The following RHCE variants were observed in gnomAD, a reference collection of about 807,000 sequenced individuals.
RHCE encodes blood group Rh(CE) polypeptide.
A neutral mutation model predicts 43.8 loss-of-function variants in RHCE; 22 were observed. The observed-to-expected ratio is 0.50, with a 90% CI of 0.36 to 0.72. The LOEUF (loss-of-function observed/expected upper bound fraction) is 0.72. RHCE is among the 30% of genes least tolerant of loss of function. RHCE has a pLI of 0.00. For missense variants in RHCE, 385 were observed against 525.4 expected (o/e 0.73, Z 2.61); for synonymous variants, 156 against 210.7 (o/e 0.74, Z 2.25).
intron 8 of RHCE, among the ~76,000 whole-genome samples, chr1:25,374,303 G>A (rs1390298852): frequency 1.3e-5 from 2 of 151,940 alleles, no homozygotes; most frequent in African/African-American, 2.4e-5. Context: ...TGGCCAGGCT[G>A]GTCTTGAATC....
At chr1:25,379,491 A>T (rs1428552659) in intron 7 of RHCE, among the ~76,000 whole-genome samples, 8 of 18,288 alleles carry the variant, frequency 4.4e-4, no homozygotes, top group African/African-American at 3.1e-3. Flanking sequence ...ATATATATAT[A>T]TATATTTTTT....
intron 1 of RHCE, among the ~76,000 whole-genome samples, chr1:25,417,351 C>CGT (rs1352230731): frequency 2.6e-5 from 4 of 152,094 alleles, no homozygotes; most frequent in Non-Finnish European, 5.9e-5. Context: ...CTAAGTTTAA[C>CGT]TCAACAAACT....
chr1:25,426,917 C>T (rs1269645584), intron 2 of RHCE, among the ~76,000 whole-genome samples: 1 of 152,100 alleles, frequency 6.6e-6, no homozygotes, highest in Non-Finnish European at 1.5e-5. Context: ...ATTATCCAGG[C>T]GTGGTGGCGT....
intron 7 of RHCE, among the ~76,000 whole-genome samples, chr1:25,381,966 A>G (rs1389136750): frequency 6.6e-6 from 1 of 151,110 alleles, no homozygotes; most frequent in East Asian, 1.9e-4. Context: ...AAGAAAATAA[A>G]TTGATTTAGC....
chr1:25,386,890 G>T (rs1571862445), intron 6 of RHCE, among the ~76,000 whole-genome samples: 1 of 150,072 alleles, frequency 6.7e-6, no homozygotes, highest in South Asian at 2.1e-4. Flanking sequence ...AATTAGCCAG[G>T]CATGGTGGTG....
intron 3 of RHCE, among the ~76,000 whole-genome samples, chr1:25,393,972 T>C (rs1338235688): frequency 6.6e-6 from 1 of 152,116 alleles, no homozygotes; most frequent in East Asian, 1.9e-4. Context: ...AAAGTCTGTC[T>C]GCTTTTTATT....
chr1:25,379,971 C>T (rs1287613900), intron 7 of RHCE, among the ~76,000 whole-genome samples: 1 of 151,946 alleles, frequency 6.6e-6, no homozygotes, highest in Non-Finnish European at 1.5e-5. Context: ...AAACACCACA[C>T]TTAGACAACC....
At chr1:25,396,124 C>A (rs1366365225) in intron 3 of RHCE, among the ~76,000 whole-genome samples, 1 of 151,524 alleles carries the variant, frequency 6.6e-6, no homozygotes, top group Non-Finnish European at 1.5e-5. Flanking sequence ...AAAATGCATA[C>A]CCACAATCTA....
chr1:25,409,439 G>T lies in RHCE; in HGVS notation c.149-570C>A, dbSNP rs1295391970. Among the ~76,000 whole-genome samples, 7 of 124,426 alleles carry T rather than the reference G, an allele frequency of 5.6e-5. 3 individuals carry two copies. The South Asian group carries it at 2.0e-3, about 35-fold the overall frequency. The allele number at this position is 124,426 out of a possible 152,430, so 81.6% of individuals were successfully genotyped here. A position where few individuals can be genotyped will look rare whatever the true frequency, so the allele number is the denominator to read the frequency against. The stretch of plus-strand genomic sequence containing the variant: ...CTGCGAGGGACCTGGTGAGCTGGCT[G>T]GCAGAAAACATCAGGGCCACCTGGG... On this transcript the variant is annotated intron_variant, in intron 1 of 9. Coordinates refer to ENST00000294413, the MANE Select transcript of RHCE (RefSeq NM_020485.8).
At chr1:25,381,046 C>A (rs1294885341) in intron 7 of RHCE, among the ~76,000 whole-genome samples, 1 of 151,884 alleles carries the variant, frequency 6.6e-6, no homozygotes, top group South Asian at 2.1e-4. Flanking sequence ...GGACTACAGG[C>A]GCCCACCACC....
chr1:25,416,512 C>T (rs1399564251), intron 1 of RHCE, among the ~76,000 whole-genome samples: 4 of 152,200 alleles, frequency 2.6e-5, no homozygotes, highest in East Asian at 1.9e-4. Flanking sequence ...ATCTGCCTGC[C>T]TTGGCCTCCC....
rs570961126 is a variant in RHCE, at chr1:25,401,256, T to C, written c.486+1340A>G. Reference sequence around the variant, plus strand: ...TCAAAACCCTATGTGGTAGTACTGCTACCCTCATATTACAGACGAAGAAAC... The same window carrying C: ...TCAAAACCCTATGTGGTAGTACTGCCACCCTCATATTACAGACGAAGAAAC... On this transcript the variant is annotated intron_variant, in intron 3 of 9. Transcript: ENST00000294413. Among the ~76,000 whole-genome samples the C allele has an allele frequency of 2.3e-4, 35 of 152,332 alleles. 1 individual carries two copies. Among genetic ancestry groups the C allele is most frequent in the African/African-American group, 6.7e-4 (28 of 41,572 alleles).
intron 3 of RHCE, among the ~76,000 whole-genome samples, chr1:25,397,564 C>T (rs113809894): frequency 3.8e-4 from 57 of 150,910 alleles, no homozygotes; most frequent in East Asian, 1.8e-3. Flanking sequence ...CCCAAACATC[C>T]CCAGCTCCCT....
intron 2 of RHCE, among the ~76,000 whole-genome samples, chr1:25,428,313 T>C (rs942175611): frequency 2.6e-5 from 4 of 152,234 alleles, no homozygotes; most frequent in Non-Finnish European, 4.4e-5. Context: ...GACTTTACCA[T>C]GTACCTGTTC....
At chr1:25,394,729 A>T (rs1646489218) in intron 3 of RHCE, among the ~76,000 whole-genome samples, 1 of 152,232 alleles carries the variant, frequency 6.6e-6, no homozygotes, top group Non-Finnish European at 1.5e-5. Flanking sequence ...TCAGTCATAC[A>T]TAAAGAGGAA....
intron 7 of RHCE, among the ~76,000 whole-genome samples, chr1:25,379,291 C>A (rs1430624601): frequency 4.0e-5 from 6 of 151,204 alleles, no homozygotes; most frequent in African/African-American, 1.5e-4. Flanking sequence ...ATCCTAGTTA[C>A]CTCCCAAAGG....
chr1:25,367,601 G>A (rs1362041474), intron 9 of RHCE, among the ~76,000 whole-genome samples: 4 of 133,736 alleles, frequency 3.0e-5, no homozygotes, highest in African/African-American at 7.8e-5. Flanking sequence ...GCAACAACAC[G>A]GATGATTCTC....
At chr1:25,402,790 G>C in intron 2 of RHCE, 44 bp from the exon 3 acceptor site, 2 of 1,606,752 alleles carry the variant, frequency 1.2e-6, no homozygotes, top group Middle Eastern at 1.7e-4. Flanking sequence ...AAGGAAGGAT[G>C]CCTCTCACTC....
Position 25,406,926 on chromosome 1 carries a change from C to G in RHCE, c.335+1757G>C, listed in dbSNP as rs544967337. On this transcript the variant is annotated intron_variant, in intron 2 of 9. Transcript: ENST00000294413. Reference sequence around the variant, plus strand: ...AGGCATGAGCCACCGCGCCCGGCCCCTAAAACTGTTTTTTGAGACAGGGTC... The same window carrying G: ...AGGCATGAGCCACCGCGCCCGGCCCGTAAAACTGTTTTTTGAGACAGGGTC... Among the ~76,000 whole-genome samples, 50 of 121,010 alleles carry G rather than the reference C, an allele frequency of 4.1e-4. 7 individuals carry two copies. Among genetic ancestry groups the G allele is most frequent in the African/African-American group, 1.3e-3 (50 of 39,452 alleles). 79.4% of individuals were successfully genotyped at this position (121,010 alleles called of 152,430 possible). A position where few individuals can be genotyped will look rare whatever the true frequency, so the allele number is the denominator to read the frequency against.
Sources: gnomAD v4.1 joint callset for allele counts (sites outside exome capture counted in the v4.1 genomes callset) on GRCh38, gnomAD v4.1.1 for gene constraint, MANE v1.5 for transcripts, NCBI Gene and HGNC (gene_info 2026-07-23, HGNC 2026-07-21) for gene names.